The following B4GALT5 variants were observed in gnomAD, a reference collection of about 807,000 sequenced individuals.
The protein encoded by B4GALT5 is beta-1,4-galactosyltransferase 5.
In B4GALT5, 11 loss-of-function variants were observed where a neutral mutation model predicts 45.0. That is an observed-to-expected ratio of 0.24 (90% CI 0.15 to 0.40). The LOEUF (loss-of-function observed/expected upper bound fraction) is 0.40. B4GALT5 is among the 10% of genes least tolerant of loss of function. The pLI is 1.00. For synonymous variants in B4GALT5, 185 were observed against 182.9 expected (o/e 1.01, Z -0.09); for missense variants, 337 against 500.2 (o/e 0.67, Z 3.11).
At chr20:49,643,750 G>GA in intron 3 of B4GALT5, 100 bp from the exon 4 acceptor site, 3 of 1,354,036 alleles carry the variant, frequency 2.2e-6, no homozygotes, top group Non-Finnish European at 3.0e-6. Context: ...TTTTTCAGCT[G>GA]AATTTGTTTT....
At chr20:49,660,255 C>T (rs1386904887) in intron 1 of B4GALT5, among the ~76,000 whole-genome samples, 1 of 152,212 alleles carries the variant, frequency 6.6e-6, no homozygotes, top group African/African-American at 2.4e-5. Context: ...TAGAAACACA[C>T]AAACCACCAG....
intron 7 of B4GALT5, among the ~76,000 whole-genome samples, chr20:49,638,872 A>G (rs1034840822): frequency 2.0e-5 from 3 of 152,250 alleles, no homozygotes; most frequent in African/African-American, 7.2e-5. Flanking sequence ...ATAGTTACAT[A>G]AATTACAGTA....
At chr20:49,656,912 T>C (rs1035655218) in intron 1 of B4GALT5, among the ~76,000 whole-genome samples, 4 of 152,144 alleles carry the variant, frequency 2.6e-5, no homozygotes, top group Non-Finnish European at 5.9e-5. Flanking sequence ...GGAATTTCTG[T>C]CAATATCCAA....
chr20:49,636,889 TC>T lies in B4GALT5; in HGVS notation c.1020-431del, dbSNP rs1216237174. Among the ~76,000 whole-genome samples, 5 of 139,770 alleles carry T rather than the reference TC, an allele frequency of 3.6e-5. No individual in the cohort carries two copies. The East Asian group carries it at 6.3e-4, about 18-fold the overall frequency. The allele number at this position is 139,770 out of a possible 152,430, so 91.7% of individuals were successfully genotyped here. A position where few individuals can be genotyped will look rare whatever the true frequency, so the allele number is the denominator to read the frequency against. On this transcript the variant is annotated intron_variant, in intron 8 of 8. Transcript: ENST00000371711. ...GAATTGGTTGTCTAGAGCACAGTCT[TC>T]CCCACAATTTAGAAAAGACACACAC... is the stretch of plus-strand genomic sequence containing the variant.
chr20:49,665,343 G>A (rs2085685196), intron 1 of B4GALT5, among the ~76,000 whole-genome samples: 1 of 143,948 alleles, frequency 6.9e-6, no homozygotes, highest in South Asian at 2.3e-4. Flanking sequence ...GAGCTCAGGA[G>A]TTTGAGCTGC....
At chr20:49,695,003 T>C (rs2085832727) in intron 1 of B4GALT5, among the ~76,000 whole-genome samples, 1 of 152,102 alleles carries the variant, frequency 6.6e-6, no homozygotes. Context: ...CTCACTTCTA[T>C]GAGCAAACCA....
At chr20:49,685,985 G>A (rs953550005) in intron 1 of B4GALT5, among the ~76,000 whole-genome samples, 1 of 151,824 alleles carries the variant, frequency 6.6e-6, no homozygotes, top group African/African-American at 2.4e-5. Flanking sequence ...CTCCTGAGCT[G>A]CTGCTGTAAC....
chr20:49,660,845 G>C (rs935729195), intron 1 of B4GALT5, among the ~76,000 whole-genome samples: 1 of 152,166 alleles, frequency 6.6e-6, no homozygotes, highest in African/African-American at 2.4e-5. Context: ...AAAAATACTA[G>C]CCGAGTGTGG....
At chr20:49,710,488 C>T (rs1269147330) in intron 1 of B4GALT5, among the ~76,000 whole-genome samples, 3 of 149,090 alleles carry the variant, frequency 2.0e-5, no homozygotes, top group African/African-American at 5.0e-5. Flanking sequence ...GGCGCAATCT[C>T]GGCTCACAGC....
In B4GALT5 at chr20:49,634,210, C is replaced by G. The variant is rs235032; in HGVS notation, c.*2102G>C. On this transcript the variant is annotated 3_prime_UTR_variant, in exon 9 of 9. Transcript: ENST00000371711. ...ACAAAAACACAAACAAACAAACAAA[C>G]AAAACAAGGCCTGGCCAATCACTCC... 1 of 152,130 alleles carries G rather than the reference C, an allele frequency of 6.6e-6. No homozygotes were observed. Among genetic ancestry groups the G allele is most frequent in the Non-Finnish European group, 1.5e-5 (1 of 67,960 alleles). The allele number at this position is 152,130 out of a possible 1,614,324, so 9.4% of individuals were successfully genotyped here. A position where few individuals can be genotyped will look rare whatever the true frequency, so the allele number is the denominator to read the frequency against.
intron 2 of B4GALT5, among the ~76,000 whole-genome samples, chr20:49,656,223 C>A (rs1448892182): frequency 6.6e-6 from 1 of 152,174 alleles, no homozygotes; most frequent in East Asian, 1.9e-4. Flanking sequence ...GCTTCCCCTT[C>A]CCCTTCCACC....
At chr20:49,710,438 G>A (rs1439218078) in intron 1 of B4GALT5, among the ~76,000 whole-genome samples, 1 of 130,198 alleles carries the variant, frequency 7.7e-6, no homozygotes, top group South Asian at 2.4e-4. Context: ...GTGTGTGTAT[G>A]AGACAGAGTC....
intron 1 of B4GALT5, among the ~76,000 whole-genome samples, chr20:49,663,675 GAAAAAA>G: frequency 3.3e-4 from 1 of 3,012 alleles, no homozygotes; most frequent in African/African-American, 8.4e-4. Context: ...TTCATCTCAA[GAAAAAA>G]AAAAAAAAAA....
At chr20:49,684,683 T>C (rs887115126) in intron 1 of B4GALT5, 7 of 516,552 alleles carry the variant, frequency 1.4e-5, no homozygotes, top group Non-Finnish European at 2.3e-5. Flanking sequence ...AAGGCATACC[T>C]GCAGACTTAA....
At chr20:49,646,150 A>T (rs538277579) in intron 3 of B4GALT5, among the ~76,000 whole-genome samples, 10 of 152,328 alleles carry the variant, frequency 6.6e-5, no homozygotes, top group African/African-American at 2.2e-4. Flanking sequence ...AGTTTTTTTT[A>T]AAACTTTTTA....
intron 1 of B4GALT5, among the ~76,000 whole-genome samples, chr20:49,706,750 C>T (rs1484832136): frequency 1.3e-5 from 2 of 152,188 alleles, no homozygotes; most frequent in Non-Finnish European, 2.9e-5. Context: ...ATCTGTTTGT[C>T]TTAGCCAGTG....
At chr20:49,702,906 G>C (rs920158054) in intron 1 of B4GALT5, among the ~76,000 whole-genome samples, 7 of 151,910 alleles carry the variant, frequency 4.6e-5, no homozygotes, top group African/African-American at 1.7e-4. Context: ...AGGCGCGGTG[G>C]CTCACGCCTG....
intron 1 of B4GALT5, among the ~76,000 whole-genome samples, chr20:49,699,130 A>G (rs1027678505): frequency 6.6e-6 from 1 of 152,146 alleles, no homozygotes; most frequent in Non-Finnish European, 1.5e-5. Context: ...ATAGCAACAT[A>G]TAAGAATTAC....
At chr20:49,713,555 G>A in intron 1 of B4GALT5, 21 bp downstream of exon 1, 1 of 1,553,672 alleles carries the variant, frequency 6.4e-7, no homozygotes, top group Non-Finnish European at 8.7e-7. Flanking sequence ...CAGCCGCCGC[G>A]GTCCCAAGCC....
Sources: allele counts gnomAD v4.1 joint callset (sites outside exome capture counted in the v4.1 genomes callset), GRCh38; gene constraint gnomAD v4.1.1; transcripts MANE v1.5; gene names NCBI Gene and HGNC (gene_info 2026-07-23, HGNC 2026-07-21).